AGBL4: variants seen among roughly 807,000 people sequenced by gnomAD.
AGBL4 encodes the protein cytosolic carboxypeptidase 6.
In AGBL4, 58 loss-of-function variants were observed where a neutral mutation model predicts 66.4. That is an observed-to-expected ratio of 0.87 (90% CI 0.71 to 1.09). The LOEUF (loss-of-function observed/expected upper bound fraction) is 1.09, where lower values mean the gene tolerates loss of function less well. Ranked by LOEUF, AGBL4 falls within the 50% of genes least tolerant of loss-of-function variation. AGBL4 has a pLI of 0.00. For synonymous variants in AGBL4, 234 were observed against 222.9 expected, an observed-to-expected ratio of 1.05 and a Z score of -0.44; for missense variants, 579 against 631.0, an observed-to-expected ratio of 0.92 and a Z score of 0.88.
chr1:48,668,661 G>A (rs1370381544), intron 6 of AGBL4, among the ~76,000 whole-genome samples: 1 of 152,186 alleles, frequency 6.6e-6, no homozygotes, highest in Non-Finnish European at 1.5e-5. Context: ...CCTCCTCTAA[G>A]AAGGAAAGGA....
At chr1:48,894,428 T>C (rs1306636290) in intron 5 of AGBL4, among the ~76,000 whole-genome samples, 5 of 152,198 alleles carry the variant, frequency 3.3e-5, no homozygotes, top group African/African-American at 7.2e-5. Context: ...ACATCTCTTA[T>C]ACCATACCTT....
chr1:49,844,721 CA>C, intron 2 of AGBL4: 1 of 1,605,060 alleles, frequency 6.2e-7, no homozygotes, highest in Non-Finnish European at 8.5e-7. Context: ...GTCAAACTGT[CA>C]GTTCTAAAGC....
chr1:49,485,896 T>C (rs1445484456), intron 3 of AGBL4, among the ~76,000 whole-genome samples: 1 of 151,914 alleles, frequency 6.6e-6, no homozygotes, highest in East Asian at 1.9e-4. Context: ...GAAGAATACC[T>C]AATATTTGCT....
chr1:49,812,953 T>C (rs1645134681), intron 2 of AGBL4, among the ~76,000 whole-genome samples: 1 of 152,028 alleles, frequency 6.6e-6, no homozygotes, highest in South Asian at 2.1e-4. Context: ...AGATGAAAGA[T>C]ATGGGAAAGA....
At chr1:49,282,419 G>C (rs562833066) in intron 3 of AGBL4, among the ~76,000 whole-genome samples, 6 of 152,164 alleles carry the variant, frequency 3.9e-5, no homozygotes, top group Non-Finnish European at 8.8e-5. Context: ...GAGATGGTTA[G>C]ATGATGGGTA....
chr1:49,306,792 ATT>A (rs1644855638), intron 3 of AGBL4, among the ~76,000 whole-genome samples: 1 of 152,176 alleles, frequency 6.6e-6, no homozygotes, highest in Non-Finnish European at 1.5e-5. Flanking sequence ...TCATGGGACT[ATT>A]TATTTCCTGT....
At chr1:49,808,578 A>G (rs1188094863) in intron 2 of AGBL4, among the ~76,000 whole-genome samples, 1 of 152,138 alleles carries the variant, frequency 6.6e-6, no homozygotes, top group Non-Finnish European at 1.5e-5. Context: ...CATTCTTTTT[A>G]TATTTCTGTT....
chr1:49,628,124 G>A (rs1283574260), intron 3 of AGBL4, among the ~76,000 whole-genome samples: 1 of 152,138 alleles, frequency 6.6e-6, no homozygotes, highest in African/African-American at 2.4e-5. Flanking sequence ...GCCAGGAGCT[G>A]TTTCTCAAAA....
chr1:48,663,008 G>A, intron 7 of AGBL4, 144 bp downstream of exon 7: 2 of 686,074 alleles, frequency 2.9e-6, no homozygotes, highest in Non-Finnish European at 2.5e-6. Context: ...AAACCTAATG[G>A]AGATCAGGTA....
chr1:49,184,196 GA>G (rs1646976564), intron 4 of AGBL4, among the ~76,000 whole-genome samples: 1 of 152,156 alleles, frequency 6.6e-6, no homozygotes, highest in South Asian at 2.1e-4. Flanking sequence ...CTGTTCTACA[GA>G]GGAGACCAAG....
chr1:49,441,925 C>T (rs1646041129), intron 3 of AGBL4, among the ~76,000 whole-genome samples: 1 of 152,156 alleles, frequency 6.6e-6, no homozygotes, highest in East Asian at 1.9e-4. Flanking sequence ...GGCTCAGCAA[C>T]ATGGACTTCC....
At chr1:50,006,993 A>G (rs994212302) in intron 1 of AGBL4, among the ~76,000 whole-genome samples, 5 of 152,224 alleles carry the variant, frequency 3.3e-5, no homozygotes, top group African/African-American at 9.6e-5. Context: ...ATGATGAAGC[A>G]ATCAGAAATA....
intron 1 of AGBL4, among the ~76,000 whole-genome samples, chr1:49,966,618 A>G (rs1178008741): frequency 2.0e-5 from 3 of 151,918 alleles, no homozygotes; most frequent in African/African-American, 7.3e-5. Flanking sequence ...AAATCTCTTA[A>G]CTTTTCTGCT....
intron 10 of AGBL4, among the ~76,000 whole-genome samples, chr1:48,588,339 C>T (rs1327423273): frequency 6.6e-6 from 1 of 152,214 alleles, no homozygotes; most frequent in East Asian, 1.9e-4. Flanking sequence ...ACTCTCAAGT[C>T]CTCTGTTCAA....
intron 9 of AGBL4, among the ~76,000 whole-genome samples, chr1:48,620,695 A>G (rs982933875): frequency 4.6e-5 from 7 of 152,234 alleles, no homozygotes; most frequent in Non-Finnish European, 7.3e-5. Flanking sequence ...CCTTTGTGAA[A>G]TCAACATTGA....
chr1:49,987,955 C>T (rs1015262076), intron 1 of AGBL4, among the ~76,000 whole-genome samples: 2 of 140,044 alleles, frequency 1.4e-5, no homozygotes, highest in East Asian at 4.1e-4. Flanking sequence ...CGAATTTAAC[C>T]AAAAAAAAAA....
intron 4 of AGBL4, among the ~76,000 whole-genome samples, chr1:49,237,289 A>C (rs897892367): frequency 6.6e-5 from 10 of 150,502 alleles, no homozygotes; most frequent in East Asian, 2.0e-4. Flanking sequence ...AAAACCCCCC[A>C]AAAAATGGGA....
chr1:48,549,356 T>C (rs2148279508), intron 11 of AGBL4, among the ~76,000 whole-genome samples: 1 of 152,348 alleles, frequency 6.6e-6, no homozygotes, highest in South Asian at 2.1e-4. Context: ...AATCCTTCTC[T>C]GAAGTGCAGT....
chr1:49,730,459 C>T (rs1442449393), intron 2 of AGBL4, among the ~76,000 whole-genome samples: 1 of 152,144 alleles, frequency 6.6e-6, no homozygotes, highest in African/African-American at 2.4e-5. Flanking sequence ...TATGACATGC[C>T]CCCATTCACC....
Sources: gnomAD v4.1 joint callset for allele counts (sites outside exome capture counted in the v4.1 genomes callset) on GRCh38, gnomAD v4.1.1 for gene constraint, MANE v1.5 for transcripts, NCBI Gene and HGNC (gene_info 2026-07-23, HGNC 2026-07-21) for gene names.